KALRN: variants seen among roughly 807,000 people sequenced by gnomAD.
KALRN encodes the protein kalirin RhoGEF kinase.
In KALRN, 70 loss-of-function variants were observed where a neutral mutation model predicts 353.7. The observed-to-expected ratio is 0.20, with a 90% CI of 0.16 to 0.24. KALRN has a LOEUF of 0.24. Ranked by LOEUF, KALRN falls within the 10% of genes least tolerant of loss-of-function variation. The pLI, the probability that KALRN is intolerant of heterozygous loss-of-function variation, is 1.00. For missense variants in KALRN, 2,791 were observed against 3,756.7 expected (o/e 0.74, Z 6.72); for synonymous variants, 1,391 against 1,434.8 (o/e 0.97, Z 0.69).
intron 1 of KALRN, chr3:124,079,881 C>T: frequency 4.0e-6 from 1 of 250,962 alleles, no homozygotes; most frequent in Non-Finnish European, 8.7e-6. Context: ...AGTGATTCAT[C>T]TATATAATAA....
rs1419661534 is a variant in KALRN at position 124,694,339 on chromosome 3, A to G, written c.7413A>G (p.Pro2471=). The G allele has an allele frequency of 1.2e-6, 2 of 1,613,936 alleles. No individual in the cohort carries two copies. Among genetic ancestry groups the G allele is most frequent in the Non-Finnish European group, 1.7e-6 (2 of 1,179,852 alleles). The change falls in exon 53 of 60, where the codon CCA becomes CCG. Residue 2471 remains proline, a synonymous_variant. Coordinates refer to ENST00000682506, the MANE Select transcript of KALRN (RefSeq NM_001388419.1). ...ATGTTGATTTGATCACAGTGGCCCC[A>G]GAATTCCTTGTGCCCTTGGTGGATG... The part of the protein sequence containing the change: ...LNPNFIQEVA[P]EFLVPLVDVT...
chr3:124,263,817 T>A (rs2073188877), intron 3 of KALRN, among the ~76,000 whole-genome samples: 1 of 152,170 alleles, frequency 6.6e-6, no homozygotes, highest in African/African-American at 2.4e-5. Context: ...ACAACACCCC[T>A]GTCAAGGACT....
chr3:124,348,716 G>A (rs2082530209), intron 10 of KALRN, among the ~76,000 whole-genome samples: 1 of 152,068 alleles, frequency 6.6e-6, no homozygotes, highest in Non-Finnish European at 1.5e-5. Context: ...TTGAAAGCAG[G>A]GACTCAAACA....
chr3:124,545,335 G>A (rs9814450), intron 33 of KALRN, among the ~76,000 whole-genome samples: 5,113 of 152,298 alleles, frequency 0.034, 119 homozygotes, highest in Middle Eastern at 0.054. Flanking sequence ...TAGACCCTGG[G>A]AAATTCAGTG....
intron 12 of KALRN, among the ~76,000 whole-genome samples, chr3:124,397,713 A>T (rs1054034284): frequency 1.3e-5 from 2 of 151,950 alleles, no homozygotes; most frequent in Admixed American, 6.5e-5. Flanking sequence ...ATAAGGCATC[A>T]CCTCTCCCTA....
At chr3:124,294,488 A>AT (rs1353758323) in intron 5 of KALRN, among the ~76,000 whole-genome samples, 4 of 144,876 alleles carry the variant, frequency 2.8e-5, no homozygotes, top group Non-Finnish European at 4.5e-5. Context: ...GCATCACACA[A>AT]TTGTCAGGGC....
intron 3 of KALRN, among the ~76,000 whole-genome samples, chr3:124,249,646 G>C (rs1183586093): frequency 6.6e-6 from 1 of 152,068 alleles, no homozygotes; most frequent in African/African-American, 2.4e-5. Context: ...ACAGGATAAG[G>C]GCCTCTATGA....
chr3:124,093,064 TG>T (rs2061216392), intron 1 of KALRN, among the ~76,000 whole-genome samples: 2 of 152,186 alleles, frequency 1.3e-5, no homozygotes, highest in Admixed American at 1.3e-4. Flanking sequence ...GACCCAATGC[TG>T]CCGTTTAAGA....
chr3:124,362,056 G>C (rs530936075), intron 10 of KALRN, among the ~76,000 whole-genome samples: 3 of 152,218 alleles, frequency 2.0e-5, no homozygotes, highest in Non-Finnish European at 4.4e-5. Flanking sequence ...GGTAATGGGG[G>C]CAAATCAGGT....
At chr3:124,692,396 A>G (rs1682266970) in intron 51 of KALRN, among the ~76,000 whole-genome samples, 1 of 152,246 alleles carries the variant, frequency 6.6e-6, no homozygotes, top group African/African-American at 2.4e-5. Context: ...AAAGAAGGAA[A>G]TAATGTCTTT....
In KALRN at chr3:124,671,650, T is replaced by C. The variant is rs1194311116; in HGVS notation, c.6704-10T>C. On this transcript the variant is annotated splice_polypyrimidine_tract_variant and intron_variant, in intron 47 of 59. Coordinates refer to ENST00000682506, the MANE Select transcript of KALRN (RefSeq NM_001388419.1). ...AAAGCTTAGAGTAACCACCTGCTCTTATCCCACAGCACTGCAATCGCCCAT... is the reference window on the plus strand; with the variant it reads ...AAAGCTTAGAGTAACCACCTGCTCTCATCCCACAGCACTGCAATCGCCCAT... 6.3e-7 allele frequency: 1 copy of C among 1,597,358 alleles called. No homozygotes were observed. The highest frequency in any genetic ancestry group is 2.2e-5 in the East Asian group (1 of 44,796).
chr3:124,437,689 CAAAAAAAAAAAA>C (rs397876079), intron 17 of KALRN, among the ~76,000 whole-genome samples: 6 of 48,328 alleles, frequency 1.2e-4, no homozygotes, highest in African/African-American at 5.1e-4. Context: ...GATTCCGTCT[CAAAAAAAAAAAA>C]AAAAAAAAAA....
At chr3:124,597,038 ACT>A (rs1362567374) in intron 34 of KALRN, among the ~76,000 whole-genome samples, 4 of 151,186 alleles carry the variant, frequency 2.6e-5, no homozygotes, top group Non-Finnish European at 5.9e-5. Context: ...ACAGAGCAAG[ACT>A]CTGTCTTAAA....
In KALRN at chr3:124,070,984, T is replaced by C. The variant is rs550021041; in HGVS notation, c.73+37171T>C. ...TAGTTTCTGCCTTGTCTTGCTCCCT[T>C]CCACTGTCTTTTTTTTTTGTGTGTG... On this transcript the variant is annotated intron_variant, in intron 1 of 59. Transcript: ENST00000682506. Among the ~76,000 whole-genome samples, 6 of 32,244 alleles carry C rather than the reference T, an allele frequency of 1.9e-4. No individual in the cohort carries two copies. In the South Asian group the frequency reaches 0.027, roughly 147 times the overall value. The allele number at this position is 32,244 out of a possible 152,430, so 21.2% of individuals were successfully genotyped here.
At chr3:124,591,748 C>T (rs2075798078) in intron 34 of KALRN, among the ~76,000 whole-genome samples, 1 of 152,208 alleles carries the variant, frequency 6.6e-6, no homozygotes, top group African/African-American at 2.4e-5. Context: ...CCTCAGGGGA[C>T]TCCCAGCTAA....
chr3:124,594,531 A>T (rs2076096418), intron 34 of KALRN, among the ~76,000 whole-genome samples: 1 of 152,212 alleles, frequency 6.6e-6, no homozygotes, highest in South Asian at 2.1e-4. Flanking sequence ...GCCTTCCAGG[A>T]TATTTTCAAT....
chr3:124,079,692 A>G (rs2060441968), intron 1 of KALRN, among the ~76,000 whole-genome samples: 1 of 152,238 alleles, frequency 6.6e-6, no homozygotes, highest in Non-Finnish European at 1.5e-5. Context: ...ACGTCTTTTT[A>G]TATAAGTATT....
intron 34 of KALRN, among the ~76,000 whole-genome samples, chr3:124,573,429 G>C (rs1329775052): frequency 6.6e-6 from 1 of 151,978 alleles, no homozygotes; most frequent in Non-Finnish European, 1.5e-5. Context: ...CTGAGTACAG[G>C]GTGTTTCCAG....
At chr3:124,708,151 A>G (rs941142700) in intron 57 of KALRN, among the ~76,000 whole-genome samples, 1 of 152,234 alleles carries the variant, frequency 6.6e-6, no homozygotes, top group Non-Finnish European at 1.5e-5. Context: ...ATACAAATAA[A>G]CCAAAAATCA....
Sources: gnomAD v4.1 joint callset for allele counts (sites outside exome capture counted in the v4.1 genomes callset) on GRCh38, gnomAD v4.1.1 for gene constraint, MANE v1.5 for transcripts, NCBI Gene and HGNC (gene_info 2026-07-23, HGNC 2026-07-21) for gene names.